The following BMP8B variants were observed in gnomAD, a reference collection of about 807,000 sequenced individuals.
The protein encoded by BMP8B is bone morphogenetic protein 8b.
BMP8B carries 17 observed loss-of-function variants against 30.3 expected under a neutral mutation model. The ratio of observed to expected loss-of-function variants is 0.56; its 90% CI spans 0.38 to 0.84. The LOEUF is 0.84. BMP8B is among the 40% of genes least tolerant of loss of function. The pLI, the probability that BMP8B is intolerant of heterozygous loss-of-function variation, is 0.00. For missense variants in BMP8B, 253 were observed against 494.6 expected (o/e 0.51, Z 4.63); for synonymous variants, 131 against 214.7 (o/e 0.61, Z 3.41).
intron 3 of BMP8B, among the ~76,000 whole-genome samples, chr1:39,769,317 A>C (rs1649789493): frequency 6.7e-6 from 1 of 150,248 alleles, no homozygotes; most frequent in Admixed American, 6.6e-5. Context: ...CTTCAGGTGT[A>C]CTCTGGGTTG....
rs1649263226 is a variant in BMP8B at position 39,763,213 on chromosome 1, AG to A, written c.949-12del. On this transcript the variant is annotated splice_polypyrimidine_tract_variant and intron_variant, in intron 5 of 6. Coordinates refer to ENST00000372827, the MANE Select transcript of BMP8B (RefSeq NM_001720.5). Reference sequence around the variant, plus strand: ...AGCGATGACCCAGTCCTGGGGGGCAAGGGAGAAGGTGAGTCCCATCCATGTG... The same window carrying A: ...AGCGATGACCCAGTCCTGGGGGGCAAGGAGAAGGTGAGTCCCATCCATGTG... 4 of 1,603,552 alleles carry A rather than the reference AG, an allele frequency of 2.5e-6. No homozygotes were observed. Among genetic ancestry groups the A allele is most frequent in the Middle Eastern group, 1.9e-4 (1 of 5,230 alleles).
chr1:39,788,462 G>C lies in BMP8B; in HGVS notation c.24C>G (p.Leu8=). 1 of 1,026,636 alleles carries C rather than the reference G, an allele frequency of 9.7e-7. No homozygotes were observed. The highest frequency in any genetic ancestry group is 1.2e-6 in the Non-Finnish European group (1 of 858,348). 63.6% of individuals were successfully genotyped at this position (1,026,636 alleles called of 1,614,324 possible). The change falls in exon 1 of 7, where the codon CTC becomes CTG. Residue 8 remains leucine, a synonymous_variant. Transcript: ENST00000372827. The surrounding 1 kb of genome is among the most constrained non-coding windows in gnomAD (Gnocchi z 5.8). MTALPGP[L]WLLGLALCAL... is the part of the protein sequence containing the mutation. Reference sequence around the variant, plus strand: ...CGCATAGCGCCAGGCCCAGGAGCCAGAGCGGGCCGGGGAGCGCGGTCATGG... The same window carrying C: ...CGCATAGCGCCAGGCCCAGGAGCCACAGCGGGCCGGGGAGCGCGGTCATGG...
intron 3 of BMP8B, chr1:39,771,488 G>A (rs1322975198): frequency 8.0e-6 from 4 of 502,868 alleles, no homozygotes; most frequent in South Asian, 3.8e-5. Context: ...ACAGGCCCGG[G>A]CGCAGGACAG....
intron 1 of BMP8B, among the ~76,000 whole-genome samples, chr1:39,782,801 T>A (rs888804667): frequency 2.0e-5 from 3 of 152,098 alleles, no homozygotes; most frequent in Non-Finnish European, 2.9e-5. Flanking sequence ...TGCCTTAACC[T>A]ATTTAATCAT....
At chr1:39,762,449 AACAC>A (rs1649121456) in intron 6 of BMP8B, 1 of 1,480,500 alleles carries the variant, frequency 6.8e-7, no homozygotes, top group African/African-American at 1.4e-5. Context: ...AGAATCCACA[AACAC>A]ACAGAGCACT....
chr1:39,762,727 C>T (rs374321916), intron 6 of BMP8B: 112 of 1,427,730 alleles, frequency 7.8e-5, no homozygotes, highest in South Asian at 1.3e-4. Flanking sequence ...GCGTACTCGG[C>T]GGCCCGTGTG....
At chr1:39,762,979 C>G in intron 6 of BMP8B, 113 bp downstream of exon 6, 1 of 1,317,432 alleles carries the variant, frequency 7.6e-7, no homozygotes, top group Non-Finnish European at 1.1e-6. Flanking sequence ...GCAGACAAAG[C>G]CCCCTGAGAC....
chr1:39,782,957 C>T (rs1650751004), intron 1 of BMP8B, among the ~76,000 whole-genome samples: 1 of 151,898 alleles, frequency 6.6e-6, no homozygotes, highest in Non-Finnish European at 1.5e-5. Context: ...CCATGCCTGG[C>T]TAATTTTTTT....
rs1651186702 is a variant in BMP8B at position 39,788,723 on chromosome 1, G to T, written c.-238C>A. The T allele has an allele frequency of 5.3e-6, 1 of 189,890 alleles. No homozygotes were observed. Among genetic ancestry groups the T allele is most frequent in the Non-Finnish European group, 9.7e-6 (1 of 102,620 alleles). The allele number at this position is 189,890 out of a possible 1,614,324, so 11.8% of individuals were successfully genotyped here. A position where few individuals can be genotyped will look rare whatever the true frequency, so the allele number is the denominator to read the frequency against. On this transcript the variant is annotated 5_prime_UTR_variant, in exon 1 of 7. Coordinates refer to ENST00000372827, the MANE Select transcript of BMP8B (RefSeq NM_001720.5). This position sits in a 1 kb window ranked among gnomAD's most constrained non-coding sequence, Gnocchi z 5.8. ...CGGACGCCACCGCCTCGAGGCCGGG[G>T]CTACTCTGCGGACTGGGACTCTCGG...
chr1:39,768,860 A>G (rs1211984012), intron 3 of BMP8B, among the ~76,000 whole-genome samples: 1 of 150,162 alleles, frequency 6.7e-6, no homozygotes, highest in Non-Finnish European at 1.5e-5. Flanking sequence ...GATTCTGTCT[A>G]AAAAAGAAAA....
At chr1:39,762,989 C>G (rs968494635) in intron 6 of BMP8B, 103 bp downstream of exon 6, 27 of 1,390,066 alleles carry the variant, frequency 1.9e-5, no homozygotes, top group Non-Finnish European at 2.7e-5. Context: ...CCCCCTGAGA[C>G]GCGGAGCAGG....
At chr1:39,762,621 C>A in intron 6 of BMP8B, 1 of 1,548,072 alleles carries the variant, frequency 6.5e-7, no homozygotes, top group Non-Finnish European at 8.7e-7. Flanking sequence ...GCCACACCAT[C>A]TAGAAGCTTC....
rs1011033102 is a variant in BMP8B, at chr1:39,757,848, A to AT, written c.*2570dup. On this transcript the variant is annotated 3_prime_UTR_variant, in exon 7 of 7. Coordinates refer to ENST00000372827, the MANE Select transcript of BMP8B (RefSeq NM_001720.5). ...TCACAATTGTTTCATTGCTCAAGGGATTTTTCTATTTTATTTCATTTGGTG... is the reference window on the plus strand; with the variant it reads ...TCACAATTGTTTCATTGCTCAAGGGATTTTTTCTATTTTATTTCATTTGGTG... 9.2e-5 allele frequency: 14 copies of AT among 152,160 alleles called. No homozygotes were observed. The highest frequency in any genetic ancestry group is 3.4e-4 in the African/African-American group (14 of 41,436). 9.4% of individuals were successfully genotyped at this position (152,160 alleles called of 1,614,324 possible).
chr1:39,770,619 A>G (rs776613937), intron 3 of BMP8B: 2 of 1,578,444 alleles, frequency 1.3e-6, no homozygotes, highest in Admixed American at 1.7e-5. Context: ...TCGGCCTTCC[A>G]CCCTTTCACC....
chr1:39,759,681 C>A lies in BMP8B; in HGVS notation c.*738G>T, dbSNP rs1219779259. The A allele has an allele frequency of 6.6e-6, 1 of 152,232 alleles. No individual in the cohort carries two copies. Among genetic ancestry groups the A allele is most frequent in the African/African-American group, 2.4e-5 (1 of 41,438 alleles). 9.4% of individuals were successfully genotyped at this position (152,232 alleles called of 1,614,324 possible). On this transcript the variant is annotated 3_prime_UTR_variant, in exon 7 of 7. Coordinates refer to ENST00000372827, the MANE Select transcript of BMP8B (RefSeq NM_001720.5). ...GCAACATGGTGGCAGATAGATGGGT[C>A]AATTGGAAGCCCCAAGATTTTTCTG...
At position 39,775,001 on chromosome 1, in the gene BMP8B, A is replaced by G. The variant is rs773591800; in HGVS notation, c.372T>C (p.His124=). The G allele has an allele frequency of 1.7e-5, 25 of 1,458,222 alleles. No homozygotes were observed. Among genetic ancestry groups the G allele is most frequent in the South Asian group, 8.1e-5 (6 of 73,910 alleles). The allele number at this position is 1,458,222 out of a possible 1,614,324, so 90.3% of individuals were successfully genotyped here. A position where few individuals can be genotyped will look rare whatever the true frequency, so the allele number is the denominator to read the frequency against. ...TCAGGTCAAAGCGGAACTCCTTCCA[A>G]TGGGGCTCCTGGTGGCCCAGGGCAC... ...RDRALGHQEP[H]WKEFRFDLTQ... The change falls in exon 2 of 7, where the codon CAT becomes CAC. Residue 124 remains histidine (H), a synonymous_variant. Coordinates refer to ENST00000372827, the MANE Select transcript of BMP8B (RefSeq NM_001720.5).
At position 39,759,948 on chromosome 1, in the gene BMP8B, G is replaced by A; in HGVS notation, c.*471C>T. 1 of 173,868 alleles carries A rather than the reference G, an allele frequency of 5.8e-6. No individual in the cohort carries two copies. Among genetic ancestry groups the A allele is most frequent in the Admixed American group, 5.6e-5 (1 of 17,750 alleles). 10.8% of individuals were successfully genotyped at this position (173,868 alleles called of 1,614,324 possible). On this transcript the variant is annotated 3_prime_UTR_variant, in exon 7 of 7. Transcript: ENST00000372827. Reference sequence around the variant, plus strand: ...GTTTTATACCCCACCTTGCACCTCGGGCAGGCAATGGGGAGCCAACCAGAC... The same window carrying A: ...GTTTTATACCCCACCTTGCACCTCGAGCAGGCAATGGGGAGCCAACCAGAC...
chr1:39,782,829 A>G (rs778495953), intron 1 of BMP8B, among the ~76,000 whole-genome samples: 26 of 151,918 alleles, frequency 1.7e-4, no homozygotes, highest in Admixed American at 3.3e-4. Context: ...TGATACAGGC[A>G]TTATTATTAT....
At chr1:39,779,071 G>C (rs536968723) in intron 1 of BMP8B, among the ~76,000 whole-genome samples, 1 of 152,326 alleles carries the variant, frequency 6.6e-6, no homozygotes, top group African/African-American at 2.4e-5. Context: ...GTTCACACTT[G>C]GGGCCAGTGT....
Sources: allele counts gnomAD v4.1 joint callset (sites outside exome capture counted in the v4.1 genomes callset), GRCh38; gene constraint gnomAD v4.1.1; non-coding constraint Gnocchi (gnomAD v3.1); transcripts MANE v1.5; gene names NCBI Gene and HGNC (gene_info 2026-07-23, HGNC 2026-07-21).